Variants in ZNF37A observed in about 807,000 individuals in gnomAD.
ZNF37A encodes zinc finger protein 37a (KOX 21).
A neutral mutation model predicts 12.3 loss-of-function variants in ZNF37A; 10 were observed. The ratio of observed to expected loss-of-function variants is 0.82; its 90% CI spans 0.50 to 1.38. The LOEUF is 1.38. Ranked by LOEUF, ZNF37A falls within the 40% of genes most tolerant of loss-of-function variation. The pLI, the probability that ZNF37A is intolerant of heterozygous loss-of-function variation, is 0.00. For synonymous variants in ZNF37A, 207 were observed against 223.0 expected (o/e 0.93, Z 0.64); for missense variants, 580 against 651.2 (o/e 0.89, Z 1.19).
intron 7 of ZNF37A, chr10:38,137,973 G>A (rs1205249447): frequency 6.6e-6 from 1 of 152,206 alleles, no homozygotes; most frequent in Non-Finnish European, 1.5e-5. Context: ...TGTATTGGAA[G>A]TCCTAATTTG....
chr10:38,110,432 C>CT (rs1429222166), intron 5 of ZNF37A, among the ~76,000 whole-genome samples: 1 of 152,124 alleles, frequency 6.6e-6, no homozygotes, highest in African/African-American at 2.4e-5. Context: ...ATGGGCAAAA[C>CT]TTCATGACTA....
chr10:38,122,731 A>G lies in ZNF37A; in HGVS notation c.*3894A>G, dbSNP rs192325883. On this transcript the variant is annotated 3_prime_UTR_variant, in exon 8 of 8. Transcript: ENST00000685332. ...TCAAACTATGAAACAGCTAAAAGAA[A>G]ACATCGGGGAATCTCTCCAGGACAT... The G allele has an allele frequency of 6.6e-6, 1 of 152,334 alleles. No homozygotes were observed. Among genetic ancestry groups the G allele is most frequent in the African/African-American group, 2.4e-5 (1 of 41,582 alleles). 9.4% of individuals were successfully genotyped at this position (152,334 alleles called of 1,614,324 possible).
rs771935367 is a variant in ZNF37A at position 38,124,311 on chromosome 10, C to G, written c.*5474C>G. The G allele has an allele frequency of 9.9e-4, 150 of 152,188 alleles. No individual in the cohort carries two copies. The highest frequency in any genetic ancestry group is 1.2e-3 in the Non-Finnish European group (79 of 68,004). 9.4% of individuals were successfully genotyped at this position (152,188 alleles called of 1,614,324 possible). A position where few individuals can be genotyped will look rare whatever the true frequency, so the allele number is the denominator to read the frequency against. Reference sequence around the variant, plus strand: ...TTATAGAGGGTAGAAGGATGTTTACCAGAGGCGGGAAAGGCAGTGAGGGCA... The same window carrying G: ...TTATAGAGGGTAGAAGGATGTTTACGAGAGGCGGGAAAGGCAGTGAGGGCA... On this transcript the variant is annotated 3_prime_UTR_variant, in exon 8 of 8. Transcript: ENST00000685332.
At chr10:38,134,445 A>G (rs539673035) in intron 7 of ZNF37A, among the ~76,000 whole-genome samples, 15 of 152,174 alleles carry the variant, frequency 9.9e-5, no homozygotes, top group Non-Finnish European at 1.8e-4. Flanking sequence ...TTGGTCTTTG[A>G]TGATGGTGAC....
chr10:38,145,205 G>A (rs2070235764), intron 7 of ZNF37A, among the ~76,000 whole-genome samples: 1 of 119,608 alleles, frequency 8.4e-6, no homozygotes, highest in Non-Finnish European at 1.8e-5. Flanking sequence ...AACAATAAAA[G>A]CGGATCCAGG....
At chr10:38,097,492 C>T (rs1389635493) in intron 5 of ZNF37A, among the ~76,000 whole-genome samples, 3 of 145,848 alleles carry the variant, frequency 2.1e-5, no homozygotes, top group South Asian at 2.2e-4. Flanking sequence ...GCAGGAGAAT[C>T]GCTTGAACCC....
At chr10:38,098,209 A>ACCC (rs2067300898) in intron 5 of ZNF37A, among the ~76,000 whole-genome samples, 1 of 152,236 alleles carries the variant, frequency 6.6e-6, no homozygotes, top group African/African-American at 2.4e-5. Flanking sequence ...TTGTTTATCC[A>ACCC]TTCATCTGTT....
At chr10:38,107,031 G>A (rs1400446506) in intron 5 of ZNF37A, among the ~76,000 whole-genome samples, 1 of 152,078 alleles carries the variant, frequency 6.6e-6, no homozygotes, top group Admixed American at 6.6e-5. Context: ...GTAAAGAAGA[G>A]CAACCCAAGA....
chr10:38,112,768 T>G (rs186772197), intron 5 of ZNF37A, among the ~76,000 whole-genome samples: 4,292 of 63,692 alleles, frequency 0.067, 748 homozygotes, highest in East Asian at 0.11. Context: ...TTCTTTTCTT[T>G]TCTTTTCTTT....
chr10:38,125,963 CACATACTTTTAGATG>C, downstream of ZNF37A, among the ~76,000 whole-genome samples: 1 of 152,162 alleles, frequency 6.6e-6, no homozygotes, highest in East Asian at 1.9e-4. Flanking sequence ...GGGCAAGTGC[CACATACTTTTAGATG>C]ACCAGATCTT....
downstream of ZNF37A, among the ~76,000 whole-genome samples, chr10:38,129,319 A>C (rs12258167): frequency 3.1e-3 from 356 of 115,928 alleles, 16 homozygotes; most frequent in Non-Finnish European, 4.0e-3. Context: ...AAAAAAAAAA[A>C]AAACTATTAT....
downstream of ZNF37A, among the ~76,000 whole-genome samples, chr10:38,126,239 T>C (rs1317930294): frequency 6.6e-6 from 1 of 152,214 alleles, no homozygotes; most frequent in Non-Finnish European, 1.5e-5. Flanking sequence ...ACCTGAAACT[T>C]TACAGAGAAC....
At chr10:38,112,763 T>G (rs574256181) in intron 5 of ZNF37A, among the ~76,000 whole-genome samples, 3,979 of 63,314 alleles carry the variant, frequency 0.063, 655 homozygotes, top group East Asian at 0.11. Flanking sequence ...TTCTTTTCTT[T>G]TCTTTTCTTT....
At chr10:38,104,061 C>A (rs570216640) in intron 5 of ZNF37A, among the ~76,000 whole-genome samples, 2 of 152,328 alleles carry the variant, frequency 1.3e-5, no homozygotes, top group South Asian at 2.1e-4. Context: ...GATCTCAATT[C>A]CCTGCTTTAT....
chr10:38,102,250 T>A (rs1237622195), intron 5 of ZNF37A, among the ~76,000 whole-genome samples: 1 of 152,214 alleles, frequency 6.6e-6, no homozygotes, highest in African/African-American at 2.4e-5. Flanking sequence ...ATGTATTACA[T>A]CTTGTTTTCA....
chr10:38,117,819 C>T lies in ZNF37A; in HGVS notation c.668C>T (p.Pro223Leu), dbSNP rs775251239. The change falls in exon 8 of 8, where the codon CCA (proline) becomes CTA (leucine). Residue 223 changes from proline (P) to leucine (L), a missense_variant. Transcript: ENST00000685332. The stretch of plus-strand genomic sequence containing the variant: ...CTCCTTGAACATCAGAGTGTTTACC[C>T]ATTCAGCCAGAAGTTAAATCTCACT... ...SILLEHQSVY[P>L]FSQKLNLTPI... 3.3e-5 allele frequency: 54 copies of T among 1,613,976 alleles called. No individual in the cohort carries two copies. Among genetic ancestry groups the T allele is most frequent in the Non-Finnish European group, 4.0e-5 (47 of 1,179,952 alleles).
exon 8 of ZNF37A, chr10:38,149,234 A>G (rs1260410970): frequency 2.0e-5 from 3 of 152,220 alleles, no homozygotes; most frequent in Non-Finnish European, 4.4e-5. Flanking sequence ...TTTCTTTGAA[A>G]TAATTATTTT....
intron 7 of ZNF37A, chr10:38,144,103 C>T (rs899694951): frequency 6.6e-6 from 1 of 152,186 alleles, no homozygotes; most frequent in African/African-American, 2.4e-5. Flanking sequence ...GTTTTCTAGT[C>T]ATGAAACCTC....
In ZNF37A at chr10:38,120,681, G is replaced by C. The variant is rs555641441; in HGVS notation, c.*1844G>C. The C allele has an allele frequency of 2.0e-5, 3 of 151,634 alleles. No homozygotes were observed. Among genetic ancestry groups the C allele is most frequent in the African/African-American group, 7.3e-5 (3 of 41,246 alleles). 9.4% of individuals were successfully genotyped at this position (151,634 alleles called of 1,614,324 possible). ...AACCTGAATACTGAACTTGATTCAG[G>C]CAGAGGACCATAACCTGGGGGTCAG... On this transcript the variant is annotated 3_prime_UTR_variant, in exon 8 of 8. Transcript: ENST00000685332.
Sources: gnomAD v4.1 joint callset for allele counts (sites outside exome capture counted in the v4.1 genomes callset) on GRCh38, gnomAD v4.1.1 for gene constraint, MANE v1.5 for transcripts, NCBI Gene and HGNC (gene_info 2026-07-23, HGNC 2026-07-21) for gene names.